DLG2: variants seen among roughly 807,000 people sequenced by gnomAD.
DLG2 encodes disks large homolog 2.
A neutral mutation model predicts 132.5 loss-of-function variants in DLG2; 45 were observed. That is an observed-to-expected ratio of 0.34 (90% CI 0.27 to 0.44). DLG2 has a LOEUF of 0.44. Among genes scored for constraint, DLG2 ranks in the 20% least tolerant of loss-of-function variants. The pLI is 1.00. For synonymous variants in DLG2, 424 were observed against 419.6 expected, an observed-to-expected ratio of 1.01 and a Z score of -0.13; for missense variants, 1,045 against 1,196.9, an observed-to-expected ratio of 0.87 and a Z score of 1.87.
rs11234134 is a variant in DLG2 at position 84,699,736 on chromosome 11, G to A, written c.358-165005C>T. On this transcript the variant is annotated intron_variant, in intron 6 of 27. Coordinates refer to ENST00000376104, the MANE Select transcript of DLG2 (RefSeq NM_001142699.3). ...CTGACTCTGCTTTCTTTCTTGTTTG[G>A]TATATGCAACTCTAAAGGACTCTTT... Among the ~76,000 whole-genome samples, 866 of 151,510 alleles carry A rather than the reference G, an allele frequency of 5.7e-3. 6 individuals carry two copies. Among genetic ancestry groups the A allele is most frequent in the African/African-American group, 0.02 (832 of 41,430 alleles).
intron 4 of DLG2, among the ~76,000 whole-genome samples, chr11:85,231,658 T>G (rs1268050767): frequency 6.6e-6 from 1 of 151,914 alleles, no homozygotes; most frequent in African/African-American, 2.4e-5. Context: ...AGTTTCATTC[T>G]GGCAGGCAGC....
chr11:84,626,847 A>ACATTTTATTTTATTTTATT lies in DLG2; in HGVS notation c.358-92117_358-92116insAATAAAATAAAATAAAATG, dbSNP rs373094154. Among the ~76,000 whole-genome samples the ACATTTTATTTTATTTTATT allele has an allele frequency of 3.4e-3, 496 of 144,070 alleles. 9 individuals are homozygous for ACATTTTATTTTATTTTATT. Among genetic ancestry groups the ACATTTTATTTTATTTTATT allele is most frequent in the African/African-American group, 0.012 (466 of 38,514 alleles). The allele number at this position is 144,070 out of a possible 152,430, so 94.5% of individuals were successfully genotyped here. On this transcript the variant is annotated intron_variant, in intron 6 of 27. Coordinates refer to ENST00000376104, the MANE Select transcript of DLG2 (RefSeq NM_001142699.3). Reference sequence around the variant, plus strand: ...GGAAGCCAAGTGGCTCATCAATTACATATTTTATTTTATTTTATTTTATTT... The same window carrying ACATTTTATTTTATTTTATT: ...GGAAGCCAAGTGGCTCATCAATTACACATTTTATTTTATTTTATTTATTTTATTTTATTTTATTTTATTT...
Position 83,548,209 on chromosome 11 carries a change from A to C in DLG2, c.1941-6351T>G, listed in dbSNP as rs549634850. On this transcript the variant is annotated intron_variant, in intron 19 of 27. Coordinates refer to ENST00000376104, the MANE Select transcript of DLG2 (RefSeq NM_001142699.3). ...TGGTAGGAAGAATAATGGTTCTCCA[A>C]AGATGTTCACGCCTGAATCTCTAGA... Among the ~76,000 whole-genome samples the C allele has an allele frequency of 3.3e-5, 5 of 152,228 alleles. No individual in the cohort carries two copies. In the East Asian group the frequency reaches 9.6e-4, roughly 29 times the overall value.
upstream of DLG2, chr11:85,627,800 A>T (rs1221878991): frequency 3.9e-5 from 6 of 152,346 alleles, no homozygotes; most frequent in Non-Finnish European, 7.3e-5. Context: ...CCACGCGATG[A>T]AGTGTTTCCT....
chr11:84,501,014 G>T (rs1268029939), intron 7 of DLG2, among the ~76,000 whole-genome samples: 1 of 152,074 alleles, frequency 6.6e-6, no homozygotes, highest in African/African-American at 2.4e-5. Flanking sequence ...AAACAATATG[G>T]TTTTTGACAA....
chr11:84,877,602 G>C (rs1476315664), intron 6 of DLG2, among the ~76,000 whole-genome samples: 1 of 131,352 alleles, frequency 7.6e-6, no homozygotes, highest in Non-Finnish European at 1.5e-5. Flanking sequence ...CTTTGCACAT[G>C]AGATGGGTCT....
intron 7 of DLG2, among the ~76,000 whole-genome samples, chr11:84,307,112 C>T (rs1481176718): frequency 6.6e-6 from 1 of 152,036 alleles, no homozygotes; most frequent in South Asian, 2.1e-4. Context: ...TGTCCACCAA[C>T]GGTAGAATGG....
At chr11:84,194,921 G>A (rs919671883) in intron 8 of DLG2, among the ~76,000 whole-genome samples, 1 of 152,184 alleles carries the variant, frequency 6.6e-6, no homozygotes, top group African/African-American at 2.4e-5. Context: ...CGCCCACCCG[G>A]AACTCGTCCT....
intron 6 of DLG2, among the ~76,000 whole-genome samples, chr11:84,899,044 G>C (rs1047947756): frequency 3.9e-5 from 6 of 152,052 alleles, no homozygotes; most frequent in Non-Finnish European, 7.4e-5. Context: ...AAATTTTTGT[G>C]AATGAGTGAG....
chr11:85,428,043 A>G (rs1047178605), intron 3 of DLG2, among the ~76,000 whole-genome samples: 4 of 152,204 alleles, frequency 2.6e-5, no homozygotes, highest in African/African-American at 9.6e-5. Flanking sequence ...CCATTACATA[A>G]TGGTAAAGGG....
chr11:84,693,128 C>T (rs920623843), intron 6 of DLG2, among the ~76,000 whole-genome samples: 4 of 151,722 alleles, frequency 2.6e-5, no homozygotes, highest in Non-Finnish European at 5.9e-5. Context: ...TTAAGAATGT[C>T]TCGTAAGTAT....
chr11:84,809,730 G>A (rs1354589165), intron 6 of DLG2, among the ~76,000 whole-genome samples: 1 of 151,824 alleles, frequency 6.6e-6, no homozygotes, highest in Admixed American at 6.6e-5. Flanking sequence ...ATAAAATAAT[G>A]ATAAAATAAA....
chr11:85,122,528 C>G (rs746575327), intron 5 of DLG2, among the ~76,000 whole-genome samples: 3 of 152,058 alleles, frequency 2.0e-5, no homozygotes, highest in South Asian at 2.1e-4. Context: ...GATACAACAT[C>G]GAGGGCCATG....
intron 6 of DLG2, among the ~76,000 whole-genome samples, chr11:84,883,382 C>G (rs186749242): frequency 6.6e-6 from 1 of 151,822 alleles, no homozygotes; most frequent in Non-Finnish European, 1.5e-5. Flanking sequence ...ACCTAGATGA[C>G]GGGTTGATAG....
intron 6 of DLG2, among the ~76,000 whole-genome samples, chr11:84,987,675 A>G (rs867761618): frequency 1.3e-5 from 2 of 152,186 alleles, no homozygotes; most frequent in Non-Finnish European, 2.9e-5. Context: ...GGGAAAAGAC[A>G]CCCTATTCAA....
intron 11 of DLG2, among the ~76,000 whole-genome samples, chr11:84,008,384 G>A (rs2094689208): frequency 6.6e-6 from 1 of 151,892 alleles, no homozygotes; most frequent in South Asian, 2.1e-4. Context: ...AATTCCAAAT[G>A]TAACAGAATG....
intron 7 of DLG2, among the ~76,000 whole-genome samples, chr11:84,464,802 A>G (rs2099089663): frequency 6.6e-6 from 1 of 151,232 alleles, no homozygotes; most frequent in Admixed American, 6.6e-5. Flanking sequence ...ATGTATATAG[A>G]TATACACATA....
intron 6 of DLG2, among the ~76,000 whole-genome samples, chr11:84,939,451 G>T (rs895664751): frequency 6.6e-6 from 1 of 151,922 alleles, no homozygotes; most frequent in Middle Eastern, 3.4e-3. Flanking sequence ...ATAAATTTCT[G>T]TTGACTGCAA....
intron 7 of DLG2, among the ~76,000 whole-genome samples, chr11:84,438,463 T>TA (rs1202680985): frequency 4.0e-5 from 6 of 148,372 alleles, no homozygotes; most frequent in Admixed American, 6.6e-5. Context: ...CTACTCTTTT[T>TA]AAAAAAAATA....
Sources: gnomAD v4.1 joint callset for allele counts (sites outside exome capture counted in the v4.1 genomes callset) on GRCh38, gnomAD v4.1.1 for gene constraint, MANE v1.5 for transcripts, NCBI Gene and HGNC (gene_info 2026-07-23, HGNC 2026-07-21) for gene names.